The following ICA1 variants were observed in gnomAD, a reference collection of about 807,000 sequenced individuals.
ICA1 encodes the protein islet cell autoantigen 1.
Under a neutral mutation model 71.0 loss-of-function variants are expected in ICA1, and 40 were observed. The ratio of observed to expected loss-of-function variants is 0.56; its 90% CI spans 0.44 to 0.73. ICA1 has a LOEUF of 0.73. Ranked by LOEUF, ICA1 falls within the 30% of genes least tolerant of loss-of-function variation. The pLI, the probability that ICA1 is intolerant of heterozygous loss-of-function variation, is 0.00. For synonymous variants in ICA1, 207 were observed against 209.5 expected, an observed-to-expected ratio of 0.99 and a Z score of 0.10; for missense variants, 578 against 576.5, an observed-to-expected ratio of 1.00 and a Z score of -0.03.
At chr7:8,177,033 A>G (rs1022644237) in intron 6 of ICA1, among the ~76,000 whole-genome samples, 2 of 152,214 alleles carry the variant, frequency 1.3e-5, no homozygotes. Context: ...CACTTCGTCT[A>G]CTACTCTCTT....
chr7:8,167,463 C>A (rs935414292), intron 6 of ICA1, among the ~76,000 whole-genome samples: 1 of 152,064 alleles, frequency 6.6e-6, no homozygotes, highest in Admixed American at 6.6e-5. Flanking sequence ...CAGACACCAA[C>A]GCCTACTTGC....
intron 1 of ICA1, among the ~76,000 whole-genome samples, chr7:8,238,863 T>C (rs1005171489): frequency 2.0e-5 from 3 of 152,208 alleles, no homozygotes; most frequent in South Asian, 4.1e-4. Context: ...GATACTAATA[T>C]ACAGAATCCT....
intron 12 of ICA1, among the ~76,000 whole-genome samples, chr7:8,138,361 C>T: frequency 6.6e-6 from 1 of 152,196 alleles, no homozygotes; most frequent in Non-Finnish European, 1.5e-5. Flanking sequence ...GACCATTTGA[C>T]ATAACCCTGT....
intron 1 of ICA1, among the ~76,000 whole-genome samples, chr7:8,240,609 T>C (rs890204949): frequency 6.6e-6 from 1 of 152,066 alleles, no homozygotes; most frequent in African/African-American, 2.4e-5. Context: ...AATAACAAAC[T>C]TCTCCGAGCT....
chr7:8,171,484 T>C (rs1309743537), intron 6 of ICA1, among the ~76,000 whole-genome samples: 1 of 151,932 alleles, frequency 6.6e-6, no homozygotes, highest in African/African-American at 2.4e-5. Context: ...AGTAATGTCC[T>C]CCTTAATTCT....
At chr7:8,137,978 G>C (rs1702835637) in intron 12 of ICA1, among the ~76,000 whole-genome samples, 1 of 152,184 alleles carries the variant, frequency 6.6e-6, no homozygotes, top group African/African-American at 2.4e-5. Context: ...TGAGAAATCT[G>C]TAAAGCCAGG....
chr7:8,121,545 A>G (rs1441231415), intron 13 of ICA1, among the ~76,000 whole-genome samples: 7 of 152,250 alleles, frequency 4.6e-5, no homozygotes, highest in Non-Finnish European at 8.8e-5. Flanking sequence ...GGGAGCTAAA[A>G]ATGAAAACAA....
rs1483940126 is a variant in ICA1, at chr7:8,234,932, G to A, written c.17+978C>T. On this transcript the variant is annotated intron_variant, in intron 2 of 13. Transcript: ENST00000402384. The surrounding 1 kb of genome is among the most constrained non-coding windows in gnomAD (Gnocchi z 4.5). ...TGTAATCCCAGCACTTTGGGAGGCT[G>A]AGGTGGGCAGATCATGAGGTCAAGA... Among the ~76,000 whole-genome samples the A allele has an allele frequency of 2.6e-5, 4 of 152,278 alleles. No individual in the cohort carries two copies. The South Asian group carries it at 6.2e-4, about 24-fold the overall frequency.
intron 1 of ICA1, 48 bp downstream of exon 1, chr7:8,262,046 C>G (rs1812707780): frequency 1.3e-5 from 2 of 152,308 alleles, no homozygotes; most frequent in Admixed American, 6.5e-5. Context: ...CTGCTGCTTC[C>G]TGCAGCCCGC....
intron 1 of ICA1, among the ~76,000 whole-genome samples, chr7:8,240,545 T>C (rs1000804098): frequency 1.3e-5 from 2 of 151,854 alleles, no homozygotes; most frequent in African/African-American, 4.8e-5. Context: ...AGGAACAAAG[T>C]TGGATGGAGA....
chr7:8,249,854 A>C (rs76045988), intron 1 of ICA1, among the ~76,000 whole-genome samples: 5,347 of 152,304 alleles, frequency 0.035, 176 homozygotes, highest in African/African-American at 0.083. Context: ...TTTTCAAATG[A>C]TCTGAAGTGA....
Position 8,238,192 on chromosome 7 carries a change from C to T in ICA1, c.-79-2187G>A, listed in dbSNP as rs941705324. Reference sequence around the variant, plus strand: ...ATTTGGACTGCTGGATTATACAGTTCTCTACTTAATTTTTTGAGGAAACTG... The same window carrying T: ...ATTTGGACTGCTGGATTATACAGTTTTCTACTTAATTTTTTGAGGAAACTG... On this transcript the variant is annotated intron_variant, in intron 1 of 13. Transcript: ENST00000402384. Among the ~76,000 whole-genome samples the T allele has an allele frequency of 5.9e-5, 9 of 152,260 alleles. 1 individual carries two copies. In the South Asian group the frequency reaches 1.9e-3, roughly 32 times the overall value.
At position 8,138,887 on chromosome 7, in the gene ICA1, G is replaced by A; in HGVS notation, c.1019-6C>T. 6.2e-7 allele frequency: 1 copy of A among 1,606,212 alleles called. No homozygotes were observed. Among genetic ancestry groups the A allele is most frequent in the Non-Finnish European group, 8.5e-7 (1 of 1,173,218 alleles). On this transcript the variant is annotated splice_region_variant and splice_polypyrimidine_tract_variant and intron_variant, in intron 11 of 13. Coordinates refer to ENST00000402384, the MANE Select transcript of ICA1 (RefSeq NM_001136020.3). ...TAATAGTTCATCTATGGGTCCTTTA[G>A]AGAAGAGGAAAGAAAACAAAATTAT...
chr7:8,244,685 C>A lies in ICA1; in HGVS notation c.-79-8680G>T, dbSNP rs4301361. Among the ~76,000 whole-genome samples the A allele has an allele frequency of 4.2e-3, 635 of 152,238 alleles. 23 individuals carry two copies. The highest frequency in any genetic ancestry group is 0.036 in the Admixed American group (551 of 15,292). On this transcript the variant is annotated intron_variant, in intron 1 of 13. Coordinates refer to ENST00000402384, the MANE Select transcript of ICA1 (RefSeq NM_001136020.3). Reference sequence around the variant, plus strand: ...CTGATAAAGGGATAATATCCAGAATCGACAAAGAATGTAAACAAATTTACA... The same window carrying A: ...CTGATAAAGGGATAATATCCAGAATAGACAAAGAATGTAAACAAATTTACA...
rs1783728792 is a variant in ICA1, at chr7:8,113,211, A to T, written c.*712T>A. 1 of 109,084 alleles carries T rather than the reference A, an allele frequency of 9.2e-6. No individual in the cohort carries two copies. The highest frequency in any genetic ancestry group is 2.7e-5 in the African/African-American group (1 of 37,620). 6.8% of individuals were successfully genotyped at this position (109,084 alleles called of 1,614,324 possible). On this transcript the variant is annotated 3_prime_UTR_variant, in exon 14 of 14. Coordinates refer to ENST00000402384, the MANE Select transcript of ICA1 (RefSeq NM_001136020.3). The surrounding 1 kb of genome is among the most constrained non-coding windows in gnomAD (Gnocchi z 4.2). ...TGCATGTCAAATATCTTTTCTGTTT[A>T]ATTAAAAAAAAAAAAAAAACAATGT...
At chr7:8,200,338 C>CAAAA (rs34371233) in intron 6 of ICA1, among the ~76,000 whole-genome samples, 20 of 67,910 alleles carry the variant, frequency 2.9e-4, no homozygotes, top group East Asian at 5.0e-4. Context: ...CACAGTTGAG[C>CAAAA]AAAAAAAAAA....
intron 1 of ICA1, among the ~76,000 whole-genome samples, chr7:8,246,029 C>A (rs150093580): frequency 8.2e-4 from 125 of 152,300 alleles, no homozygotes; most frequent in African/African-American, 2.9e-3. Context: ...GCAATGGAAG[C>A]TATTTCTCCA....
At chr7:8,186,604 A>G (rs900532996) in intron 6 of ICA1, among the ~76,000 whole-genome samples, 4 of 152,212 alleles carry the variant, frequency 2.6e-5, no homozygotes, top group South Asian at 2.1e-4. Context: ...AAATGATGAG[A>G]TTTTGAAACC....
At chr7:8,214,784 T>C (rs1392145901) in intron 6 of ICA1, among the ~76,000 whole-genome samples, 5 of 152,252 alleles carry the variant, frequency 3.3e-5, no homozygotes, top group Admixed American at 3.3e-4. Context: ...ATTTCAGTCA[T>C]GCTCACTGTG....
Sources: gnomAD v4.1 joint callset for allele counts (sites outside exome capture counted in the v4.1 genomes callset) on GRCh38, gnomAD v4.1.1 for gene constraint, Gnocchi (gnomAD v3.1) non-coding constraint, MANE v1.5 for transcripts, NCBI Gene and HGNC (gene_info 2026-07-23, HGNC 2026-07-21) for gene names.